The following CALN1 variants were observed in gnomAD, a reference collection of about 807,000 sequenced individuals.
CALN1 encodes calneuron 1, also known as calcium-binding protein 8.
In CALN1, 17 loss-of-function variants were observed where a neutral mutation model predicts 30.6. That is an observed-to-expected ratio of 0.56 (90% CI 0.38 to 0.83). The LOEUF is 0.83. Among genes scored for constraint, CALN1 ranks in the 40% least tolerant of loss-of-function variants. The probability of loss-of-function intolerance (pLI) is 0.00; values close to 1 mark genes in which losing one functional copy is unlikely to be tolerated. For missense variants in CALN1, 291 were observed against 354.9 expected (o/e 0.82, Z 1.45); for synonymous variants, 156 against 131.4 (o/e 1.19, Z -1.28).
chr7:72,132,390 G>A (rs764223280), intron 3 of CALN1, among the ~76,000 whole-genome samples: 1 of 152,118 alleles, frequency 6.6e-6, no homozygotes, highest in Non-Finnish European at 1.5e-5. Context: ...ATGGGTACTC[G>A]AAGTATGGTT....
chr7:72,021,670 G>A (rs1316131137), intron 5 of CALN1, among the ~76,000 whole-genome samples: 1 of 152,160 alleles, frequency 6.6e-6, no homozygotes, highest in Non-Finnish European at 1.5e-5. Context: ...GATCCTGGAT[G>A]TCCTCTGGGA....
At chr7:72,074,267 C>T (rs745991991) in intron 4 of CALN1, among the ~76,000 whole-genome samples, 4 of 152,092 alleles carry the variant, frequency 2.6e-5, no homozygotes, top group Admixed American at 6.6e-5. Flanking sequence ...GACCCATGAA[C>T]GAAAATGTTT....
At chr7:72,265,393 A>G (rs1245735632) in intron 3 of CALN1, among the ~76,000 whole-genome samples, 1 of 152,182 alleles carries the variant, frequency 6.6e-6, no homozygotes, top group African/African-American at 2.4e-5. Flanking sequence ...GTCCCAGGGA[A>G]CAGTTGAACC....
intron 3 of CALN1, among the ~76,000 whole-genome samples, chr7:72,203,975 C>CTATTT (rs1562730767): frequency 3.9e-5 from 4 of 101,590 alleles, no homozygotes; most frequent in African/African-American, 1.6e-4. Context: ...TAAGAGGCCT[C>CTATTT]TCTCTTTTTT....
the CALN1 span, among the ~76,000 whole-genome samples, chr7:72,487,946 GAA>G: frequency 1.4e-5 from 1 of 72,622 alleles, no homozygotes; most frequent in Admixed American, 1.3e-4. Context: ...AGGAAGGAAG[GAA>G]GGAAGGAAAG....
At chr7:71,842,123 G>C (rs1427576344) in intron 5 of CALN1, among the ~76,000 whole-genome samples, 1 of 152,160 alleles carries the variant, frequency 6.6e-6, no homozygotes, top group Non-Finnish European at 1.5e-5. Context: ...GGAGGCTGGA[G>C]ATAGCTAGAT....
intron 3 of CALN1, among the ~76,000 whole-genome samples, chr7:72,132,894 C>T (rs550376116): frequency 6.4e-4 from 98 of 152,182 alleles, no homozygotes; most frequent in African/African-American, 2.1e-3. Context: ...GAGCAGCGGG[C>T]GAGTGAACAT....
intron 3 of CALN1, among the ~76,000 whole-genome samples, chr7:72,181,148 A>G (rs1789776814): frequency 7.3e-6 from 1 of 137,164 alleles, no homozygotes; most frequent in Non-Finnish European, 1.5e-5. Context: ...ATAAGCTTTT[A>G]CCCCTACCAT....
chr7:71,951,770 A>C (rs1470896981), intron 5 of CALN1, among the ~76,000 whole-genome samples: 4 of 152,186 alleles, frequency 2.6e-5, no homozygotes, highest in Non-Finnish European at 5.9e-5. Flanking sequence ...CACAGCCAGA[A>C]ACCTGGCATC....
chr7:72,321,679 C>T lies in CALN1; in HGVS notation c.120-42869G>A, dbSNP rs537956915. 6.6e-5 allele frequency among the ~76,000 whole-genome samples: 10 copies of T among 152,224 alleles called. No individual in the cohort carries two copies. In the South Asian group the frequency reaches 1.5e-3, roughly 22 times the overall value. ...TGGTGAGGTGCCTGGAGGGAGGGGA[C>T]GGAAAATCACAGGTATAATTAACTG... On this transcript the variant is annotated intron_variant, in intron 2 of 6. Coordinates refer to ENST00000395275, the MANE Select transcript of CALN1 (RefSeq NM_031468.4).
intron 2 of CALN1, among the ~76,000 whole-genome samples, chr7:72,297,137 C>T (rs1367118067): frequency 1.3e-5 from 2 of 152,050 alleles, no homozygotes; most frequent in African/African-American, 4.8e-5. Flanking sequence ...TCTTTGTTCC[C>T]GTTGGTTTCA....
intron 3 of CALN1, among the ~76,000 whole-genome samples, chr7:72,193,102 C>A (rs893573160): frequency 6.6e-6 from 1 of 151,568 alleles, no homozygotes; most frequent in Non-Finnish European, 1.5e-5. Flanking sequence ...GCAGGAGAAC[C>A]GCTTGAACAC....
chr7:72,270,080 T>A (rs1796872868), intron 3 of CALN1, among the ~76,000 whole-genome samples: 2 of 151,802 alleles, frequency 1.3e-5, no homozygotes, highest in African/African-American at 4.8e-5. Context: ...CTGAAAAAAA[T>A]TTGGGTGTTT....
chr7:72,085,140 G>A (rs562252983), intron 4 of CALN1, among the ~76,000 whole-genome samples: 29 of 152,006 alleles, frequency 1.9e-4, no homozygotes, highest in South Asian at 4.2e-4. Context: ...TTATGCCCAC[G>A]CCATTCACCT....
chr7:72,336,972 G>A (rs1802102989), intron 2 of CALN1: 3 of 985,210 alleles, frequency 3.0e-6, no homozygotes, highest in Non-Finnish European at 3.6e-6. Context: ...GCGCGATCTG[G>A]GCGCGTGCCT....
At chr7:72,005,195 C>T (rs191811514) in intron 5 of CALN1, among the ~76,000 whole-genome samples, 22 of 152,288 alleles carry the variant, frequency 1.4e-4, no homozygotes, top group African/African-American at 3.9e-4. Flanking sequence ...TACAAATGGT[C>T]GCAGCAGCTT....
intron 2 of CALN1, among the ~76,000 whole-genome samples, chr7:72,308,365 G>T (rs918859002): frequency 5.1e-5 from 3 of 58,414 alleles, no homozygotes; most frequent in Admixed American, 1.7e-4. Flanking sequence ...TGCTGTCTGT[G>T]GGGGGGGGAG....
chr7:72,151,696 G>A (rs1358443133), intron 3 of CALN1, among the ~76,000 whole-genome samples: 2 of 151,922 alleles, frequency 1.3e-5, no homozygotes, highest in African/African-American at 2.4e-5. Flanking sequence ...TGCCTGCCCA[G>A]CAGATATCGT....
chr7:72,245,251 T>TC (rs1180689744), intron 3 of CALN1, among the ~76,000 whole-genome samples: 1 of 152,130 alleles, frequency 6.6e-6, no homozygotes, highest in Non-Finnish European at 1.5e-5. Context: ...AGCCACCAAT[T>TC]CCTAGGCACC....
Sources: allele counts gnomAD v4.1 joint callset (sites outside exome capture counted in the v4.1 genomes callset), GRCh38; gene constraint gnomAD v4.1.1; transcripts MANE v1.5; gene names NCBI Gene and HGNC (gene_info 2026-07-23, HGNC 2026-07-21).